Variants in NKAIN3 observed in about 807,000 individuals in gnomAD.
NKAIN3 encodes sodium/potassium transporting ATPase interacting 3, also known as sodium/potassium-transporting ATPase subunit beta-1-interacting protein 3.
In NKAIN3, 25 loss-of-function variants were observed where a neutral mutation model predicts 30.2. The ratio of observed to expected loss-of-function variants is 0.83; its 90% CI spans 0.60 to 1.16. NKAIN3 has a LOEUF of 1.16. Ranked by LOEUF, NKAIN3 falls within the 50% of genes most tolerant of loss-of-function variation. The pLI, the probability that NKAIN3 is intolerant of heterozygous loss-of-function variation, is 0.00. For missense variants in NKAIN3, 225 were observed against 254.1 expected, an observed-to-expected ratio of 0.89 and a Z score of 0.78; for synonymous variants, 91 against 89.6, an observed-to-expected ratio of 1.02 and a Z score of -0.09.
At chr8:62,423,150 G>T (rs1804697145) in intron 1 of NKAIN3, among the ~76,000 whole-genome samples, 1 of 152,012 alleles carries the variant, frequency 6.6e-6, no homozygotes, top group Non-Finnish European at 1.5e-5. Context: ...GCCAGAAAAA[G>T]TCACACCACC....
In NKAIN3 at chr8:62,387,966, A is replaced by G. The variant is rs181295919; in HGVS notation, c.54+138839A>G. ...CTTTTATATGAATTTTTAAAAATTC[A>G]TTTTCAAACATCTTCCCATAGGCCA... is the stretch of plus-strand genomic sequence containing the variant. On this transcript the variant is annotated intron_variant, in intron 1 of 6. Transcript: ENST00000623646. Among the ~76,000 whole-genome samples the G allele has an allele frequency of 1.2e-3, 185 of 152,296 alleles. 1 individual carries two copies. The highest frequency in any genetic ancestry group is 0.011 in the Admixed American group (165 of 15,292).
chr8:62,494,992 A>G (rs748969423), intron 1 of NKAIN3, among the ~76,000 whole-genome samples: 6 of 151,968 alleles, frequency 3.9e-5, no homozygotes, highest in Non-Finnish European at 7.4e-5. Context: ...GAATTTTTTT[A>G]TGGTAGCAAT....
chr8:62,760,662 A>G (rs972875734), intron 4 of NKAIN3, among the ~76,000 whole-genome samples: 4 of 151,586 alleles, frequency 2.6e-5, no homozygotes, highest in Admixed American at 1.3e-4. Flanking sequence ...GCATTAGGAG[A>G]TATACCTAAT....
intron 1 of NKAIN3, among the ~76,000 whole-genome samples, chr8:62,404,685 T>G (rs1413447752): frequency 6.6e-6 from 1 of 152,176 alleles, no homozygotes; most frequent in Non-Finnish European, 1.5e-5. Context: ...TTCCTTTATA[T>G]ATTACCCAAT....
chr8:62,519,507 T>A (rs1046491587), intron 1 of NKAIN3, among the ~76,000 whole-genome samples: 3 of 152,156 alleles, frequency 2.0e-5, no homozygotes, highest in African/African-American at 7.2e-5. Context: ...GTATAGCATC[T>A]TCTTTTGGTA....
intron 1 of NKAIN3, among the ~76,000 whole-genome samples, chr8:62,367,392 TG>T (rs1281038979): frequency 6.6e-6 from 1 of 152,182 alleles, no homozygotes; most frequent in Non-Finnish European, 1.5e-5. Flanking sequence ...TGATTTATTT[TG>T]GGGCTGCAAG....
rs1306098370 is a variant in NKAIN3 at position 62,252,596 on chromosome 8, T to G, written c.54+3469T>G. 3.3e-5 allele frequency among the ~76,000 whole-genome samples: 4 copies of G among 119,920 alleles called. No individual in the cohort carries two copies. The South Asian group carries it at 1.1e-3, about 34-fold the overall frequency. 78.7% of individuals were successfully genotyped at this position (119,920 alleles called of 152,430 possible). On this transcript the variant is annotated intron_variant, in intron 1 of 6. Coordinates refer to ENST00000623646, the MANE Select transcript of NKAIN3 (RefSeq NM_001304533.3). ...AGATGTTTGCCTCATGGTTTTCATT[T>G]GTGATCCTCCTGATTTTCCTAGATG... is the stretch of plus-strand genomic sequence containing the variant.
chr8:62,488,614 C>T (rs1168991802), intron 1 of NKAIN3, among the ~76,000 whole-genome samples: 1 of 152,032 alleles, frequency 6.6e-6, no homozygotes, highest in Non-Finnish European at 1.5e-5. Context: ...GTCCTGTTGC[C>T]CTTTTCAGTC....
chr8:62,868,957 A>G (rs768204574), intron 4 of NKAIN3, among the ~76,000 whole-genome samples: 3 of 152,076 alleles, frequency 2.0e-5, no homozygotes, highest in Non-Finnish European at 4.4e-5. Flanking sequence ...AAAAAGGATT[A>G]GATCTTTTCT....
rs558019043 is a variant in NKAIN3, at chr8:62,802,201, T to A, written c.471+55072T>A. Among the ~76,000 whole-genome samples the A allele has an allele frequency of 2.0e-5, 3 of 152,300 alleles. No individual in the cohort carries two copies. The East Asian group carries it at 5.8e-4, about 29-fold the overall frequency. On this transcript the variant is annotated intron_variant, in intron 4 of 6. Transcript: ENST00000623646. ...ACAAGTTGGAAAACACAGTGCAGGA[T>A]ATTATCCAGGAGAAATTCCCCAATC...
At chr8:62,808,972 C>T (rs1046337070) in intron 4 of NKAIN3, among the ~76,000 whole-genome samples, 3 of 152,096 alleles carry the variant, frequency 2.0e-5, no homozygotes, top group East Asian at 1.9e-4. Context: ...CTGTATAAGA[C>T]GGACAGTCCC....
intron 1 of NKAIN3, among the ~76,000 whole-genome samples, chr8:62,251,846 A>G (rs1345484338): frequency 6.6e-6 from 1 of 152,236 alleles, no homozygotes; most frequent in Non-Finnish European, 1.5e-5. Flanking sequence ...TCCGTCATAT[A>G]CATAAGATAG....
intron 3 of NKAIN3, among the ~76,000 whole-genome samples, chr8:62,637,700 A>G (rs1812177412): frequency 6.6e-6 from 1 of 152,154 alleles, no homozygotes; most frequent in Admixed American, 6.5e-5. Flanking sequence ...TGGTTCAAAT[A>G]GTACAGCAGA....
intron 3 of NKAIN3, among the ~76,000 whole-genome samples, chr8:62,591,660 T>C (rs1222723203): frequency 6.6e-6 from 1 of 151,972 alleles, no homozygotes; most frequent in Non-Finnish European, 1.5e-5. Flanking sequence ...ACTCATTTTA[T>C]TACCTATTTA....
intron 1 of NKAIN3, among the ~76,000 whole-genome samples, chr8:62,457,741 A>G (rs569627110): frequency 6.6e-6 from 1 of 152,340 alleles, no homozygotes; most frequent in Non-Finnish European, 1.5e-5. Context: ...AATTCCTATT[A>G]TATTTTTAGT....
rs1313264875 is a variant in NKAIN3, at chr8:62,973,249, G to A, written c.*7842G>A. On this transcript the variant is annotated 3_prime_UTR_variant, in exon 7 of 7. Coordinates refer to ENST00000623646, the MANE Select transcript of NKAIN3 (RefSeq NM_001304533.3). ...TAGATCCTTGAGGAATTGCCACACT[G>A]TCATCCACAATGGTTGAAGTAAATT... 6.6e-6 allele frequency among the ~76,000 whole-genome samples: 1 copy of A among 152,208 alleles called. No homozygotes were observed. The highest frequency in any genetic ancestry group is 1.5e-5 in the Non-Finnish European group (1 of 68,048).
intron 1 of NKAIN3, among the ~76,000 whole-genome samples, chr8:62,325,735 A>G (rs745681614): frequency 7.9e-5 from 12 of 151,798 alleles, no homozygotes; most frequent in Admixed American, 1.3e-4. Flanking sequence ...TGCATTTTGC[A>G]TTTTCTTGTT....
At chr8:62,674,667 T>C (rs539674088) in intron 3 of NKAIN3, among the ~76,000 whole-genome samples, 6 of 152,260 alleles carry the variant, frequency 3.9e-5, no homozygotes, top group Non-Finnish European at 7.4e-5. Flanking sequence ...TAGATTTTGA[T>C]TGGACATGAT....
At position 62,453,018 on chromosome 8, in the gene NKAIN3, T is replaced by C. The variant is rs367576994; in HGVS notation, c.55-126521T>C. Among the ~76,000 whole-genome samples the C allele has an allele frequency of 3.5e-3, 537 of 152,332 alleles. 3 individuals carry two copies. Among genetic ancestry groups the C allele is most frequent in the African/African-American group, 0.012 (517 of 41,576 alleles). ...AAAGAAATTCTCACAAATACCCACA[T>C]TGAGTTATAGAAAATGAAATATTTA... On this transcript the variant is annotated intron_variant, in intron 1 of 6. Coordinates refer to ENST00000623646, the MANE Select transcript of NKAIN3 (RefSeq NM_001304533.3).
Sources: allele counts gnomAD v4.1 joint callset (sites outside exome capture counted in the v4.1 genomes callset), GRCh38; gene constraint gnomAD v4.1.1; transcripts MANE v1.5; gene names NCBI Gene and HGNC (gene_info 2026-07-23, HGNC 2026-07-21).